The following CSMD1 variants were observed in gnomAD, a reference collection of about 807,000 sequenced individuals.
The protein encoded by CSMD1 is CUB and Sushi multiple domains 1, also known as CUB and sushi domain-containing protein 1.
A neutral mutation model predicts 417.5 loss-of-function variants in CSMD1; 213 were observed. The observed-to-expected ratio is 0.51, with a 90% CI of 0.46 to 0.57. The LOEUF (loss-of-function observed/expected upper bound fraction) is 0.57, where lower values mean the gene tolerates loss of function less well. CSMD1 is among the 20% of genes least tolerant of loss of function. The probability of loss-of-function intolerance (pLI) is 0.00; values close to 1 mark genes in which losing one functional copy is unlikely to be tolerated. For missense variants in CSMD1, 6,923 were observed against 4,529.7 expected (o/e 1.53, Z -15.17); for synonymous variants, 2,862 against 1,736.8 (o/e 1.65, Z -16.11).
chr8:4,504,799 A>T (rs901507157), intron 2 of CSMD1, among the ~76,000 whole-genome samples: 1 of 152,200 alleles, frequency 6.6e-6, no homozygotes, highest in African/African-American at 2.4e-5. Flanking sequence ...ATGTCCCTGC[A>T]AAGGACATGA....
At chr8:4,957,005 T>A (rs867702387) in intron 1 of CSMD1, among the ~76,000 whole-genome samples, 8 of 152,212 alleles carry the variant, frequency 5.3e-5, no homozygotes, top group Non-Finnish European at 8.8e-5. Context: ...TGAAGCAGAA[T>A]CCTAAGTCTA....
At chr8:4,360,028 T>G (rs974013825) in intron 3 of CSMD1, among the ~76,000 whole-genome samples, 2 of 152,216 alleles carry the variant, frequency 1.3e-5, no homozygotes, top group Non-Finnish European at 1.5e-5. Flanking sequence ...CTCTCTTCCC[T>G]GTCCCCATCT....
intron 52 of CSMD1, among the ~76,000 whole-genome samples, chr8:3,008,033 C>T (rs1344456035): frequency 1.3e-5 from 2 of 152,158 alleles, no homozygotes; most frequent in Non-Finnish European, 2.9e-5. Flanking sequence ...GTTATTTTAA[C>T]AATCTTTCTC....
intron 48 of CSMD1, among the ~76,000 whole-genome samples, chr8:3,089,730 G>A (rs1201738301): frequency 1.4e-5 from 2 of 141,942 alleles, no homozygotes; most frequent in Admixed American, 7.1e-5. Context: ...CATATGACAC[G>A]TGTCTATCTA....
At chr8:4,892,978 G>T (rs1277877896) in intron 1 of CSMD1, among the ~76,000 whole-genome samples, 1 of 152,068 alleles carries the variant, frequency 6.6e-6, no homozygotes, top group Non-Finnish European at 1.5e-5. Context: ...GATTTCCAAG[G>T]AATACGCTTG....
In CSMD1 at chr8:3,926,072, ACAAACACCATACACACACACAC is replaced by A. The variant is rs1217404336; in HGVS notation, c.818+71809_818+71830del. 2.7e-4 allele frequency among the ~76,000 whole-genome samples: 32 copies of A among 120,294 alleles called. 1 individual carries two copies. The highest frequency in any genetic ancestry group is 1.1e-3 in the African/African-American group (32 of 29,166). The allele number at this position is 120,294 out of a possible 152,430, so 78.9% of individuals were successfully genotyped here. On this transcript the variant is annotated intron_variant, in intron 5 of 69. Coordinates refer to ENST00000635120, the MANE Select transcript of CSMD1 (RefSeq NM_033225.6). ...ACCATATACACACACACACACACAC[ACAAACACCATACACACACACAC>A]ACACACACACACACACACACACACA...
At chr8:3,737,641 T>A (rs1796592050) in intron 6 of CSMD1, among the ~76,000 whole-genome samples, 1 of 152,142 alleles carries the variant, frequency 6.6e-6, no homozygotes, top group Non-Finnish European at 1.5e-5. Flanking sequence ...TAAGCTACCT[T>A]GGTTGCCCCA....
At chr8:3,287,709 C>G (rs545102980) in intron 25 of CSMD1, among the ~76,000 whole-genome samples, 7 of 152,144 alleles carry the variant, frequency 4.6e-5, no homozygotes, top group Non-Finnish European at 8.8e-5. Context: ...GGGGCTGAGA[C>G]GATGGGGTTT....
At chr8:4,232,222 G>A (rs549064373) in intron 3 of CSMD1, among the ~76,000 whole-genome samples, 15 of 152,106 alleles carry the variant, frequency 9.9e-5, no homozygotes, top group East Asian at 1.9e-4. Context: ...TTAAGACAGA[G>A]TCTCGCTCTG....
intron 2 of CSMD1, among the ~76,000 whole-genome samples, chr8:4,622,990 A>T (rs1187128718): frequency 2.0e-5 from 3 of 152,318 alleles, no homozygotes; most frequent in African/African-American, 7.2e-5. Flanking sequence ...CAGGAAACAC[A>T]AAAGAAAAAA....
intron 5 of CSMD1, among the ~76,000 whole-genome samples, chr8:3,907,818 T>C (rs992388268): frequency 1.3e-5 from 2 of 152,174 alleles, no homozygotes; most frequent in Non-Finnish European, 2.9e-5. Context: ...AAGATATCTC[T>C]TCCGTAGTTC....
At chr8:3,403,167 G>C (rs1177350986) in intron 15 of CSMD1, among the ~76,000 whole-genome samples, 1 of 152,182 alleles carries the variant, frequency 6.6e-6, no homozygotes, top group African/African-American at 2.4e-5. Context: ...TTTGTGGTCA[G>C]TTATATAATT....
chr8:4,307,905 G>C (rs1362813101), intron 3 of CSMD1, among the ~76,000 whole-genome samples: 1 of 152,100 alleles, frequency 6.6e-6, no homozygotes. Flanking sequence ...GCAGAGGCAC[G>C]TTTTTAGCAA....
At chr8:3,097,862 C>T (rs1815433459) in intron 46 of CSMD1, among the ~76,000 whole-genome samples, 1 of 152,126 alleles carries the variant, frequency 6.6e-6, no homozygotes. Flanking sequence ...GGTCTCAATC[C>T]CACATGGGAC....
At chr8:3,812,130 T>A (rs569671542) in intron 5 of CSMD1, among the ~76,000 whole-genome samples, 1 of 152,308 alleles carries the variant, frequency 6.6e-6, no homozygotes, top group East Asian at 1.9e-4. Flanking sequence ...GTGTCCATAT[T>A]TGTATTCATA....
chr8:3,827,756 A>C (rs915891886), intron 5 of CSMD1, among the ~76,000 whole-genome samples: 3 of 152,216 alleles, frequency 2.0e-5, no homozygotes, highest in African/African-American at 4.8e-5. Context: ...TACGATAATG[A>C]ATAGTTGATT....
chr8:3,542,241 A>G (rs1222602034), intron 10 of CSMD1, among the ~76,000 whole-genome samples: 1 of 152,184 alleles, frequency 6.6e-6, no homozygotes, highest in Non-Finnish European at 1.5e-5. Context: ...TTTGTGACAT[A>G]CTGTCATAAA....
At chr8:3,599,755 A>C (rs1424297581) in intron 8 of CSMD1, among the ~76,000 whole-genome samples, 3 of 151,970 alleles carry the variant, frequency 2.0e-5, no homozygotes, top group Non-Finnish European at 4.4e-5. Flanking sequence ...CTCTTCTTTC[A>C]CCAGGTGGTC....
chr8:3,766,542 G>C (rs1182336421), intron 5 of CSMD1, among the ~76,000 whole-genome samples: 1 of 152,066 alleles, frequency 6.6e-6, no homozygotes, highest in African/African-American at 2.4e-5. Flanking sequence ...ACAGGGAGCA[G>C]TCGGCACTGG....
Sources: allele counts gnomAD v4.1 joint callset (sites outside exome capture counted in the v4.1 genomes callset), GRCh38; gene constraint gnomAD v4.1.1; transcripts MANE v1.5; gene names NCBI Gene and HGNC (gene_info 2026-07-23, HGNC 2026-07-21).